PTPRD: variants seen among roughly 807,000 people sequenced by gnomAD.
PTPRD encodes the protein protein tyrosine phosphatase receptor type D, also known as receptor-type tyrosine-protein phosphatase delta.
Under a neutral mutation model 214.5 loss-of-function variants are expected in PTPRD, and 34 were observed. The ratio of observed to expected loss-of-function variants is 0.16; its 90% CI spans 0.12 to 0.21. The LOEUF (loss-of-function observed/expected upper bound fraction) is 0.21, where lower values mean the gene tolerates loss of function less well. Ranked by LOEUF, PTPRD falls within the 10% of genes least tolerant of loss-of-function variation. The pLI is 1.00. For missense variants in PTPRD, 2,545 were observed against 2,398.7 expected (o/e 1.06, Z -1.27); for synonymous variants, 1,128 against 845.7 (o/e 1.33, Z -5.79).
intron 5 of PTPRD, among the ~76,000 whole-genome samples, chr9:9,899,262 G>C (rs1001373405): frequency 8.6e-5 from 13 of 152,004 alleles, no homozygotes; most frequent in African/African-American, 1.4e-4. Flanking sequence ...AGTGTGAAGA[G>C]AGACTATGAA....
At position 9,990,174 on chromosome 9, in the gene PTPRD, G is replaced by T. The variant is rs879805491; in HGVS notation, c.-472+43544C>A. On this transcript the variant is annotated intron_variant, in intron 4 of 45. Transcript: ENST00000381196. ...CCCTTCACAGAGGTTTAGTCATTACGTGGGACCAGGACAAGGTCCTGGGGC... is the reference window on the plus strand; with the variant it reads ...CCCTTCACAGAGGTTTAGTCATTACTTGGGACCAGGACAAGGTCCTGGGGC... Among the ~76,000 whole-genome samples, 3 of 152,164 alleles carry T rather than the reference G, an allele frequency of 2.0e-5. No homozygotes were observed. In the South Asian group the frequency reaches 6.2e-4, roughly 31 times the overall value.
chr9:10,162,234 T>C (rs934113244), intron 3 of PTPRD, among the ~76,000 whole-genome samples: 1 of 151,334 alleles, frequency 6.6e-6, no homozygotes, highest in Non-Finnish European at 1.5e-5. Flanking sequence ...ATCAAAGAAA[T>C]ATGTACATTC....
At chr9:9,369,887 T>C (rs1365016329) in intron 9 of PTPRD, among the ~76,000 whole-genome samples, 2 of 152,200 alleles carry the variant, frequency 1.3e-5, no homozygotes, top group African/African-American at 4.8e-5. Context: ...CCATTGCTTG[T>C]TTTTGTCAGG....
chr9:8,508,891 CTGTGTGTGTGTGTGTG>C (rs59265464), intron 21 of PTPRD, among the ~76,000 whole-genome samples: 53 of 140,504 alleles, frequency 3.8e-4, no homozygotes, highest in Admixed American at 7.0e-4. Flanking sequence ...GTGTGTGTGT[CTGTGTGTGTGTGTGTG>C]TGTGTGTGTG....
At chr9:9,613,131 C>CATAT (rs1383091159) in intron 7 of PTPRD, among the ~76,000 whole-genome samples, 2,868 of 39,164 alleles carry the variant, frequency 0.073, 229 homozygotes, top group Non-Finnish European at 0.09. Context: ...AGTATACATA[C>CATAT]ATACATATAT....
At chr9:9,805,764 G>A (rs984484967) in intron 5 of PTPRD, among the ~76,000 whole-genome samples, 5 of 152,028 alleles carry the variant, frequency 3.3e-5, no homozygotes, top group African/African-American at 4.8e-5. Flanking sequence ...CCTTTCAAAC[G>A]TTTGTTTATC....
intron 5 of PTPRD, among the ~76,000 whole-genome samples, chr9:9,926,347 G>C (rs534375236): frequency 6.6e-6 from 1 of 152,052 alleles, no homozygotes; most frequent in Non-Finnish European, 1.5e-5. Flanking sequence ...GACAGAAAGG[G>C]ATCATCATCA....
In PTPRD at chr9:9,468,864, T is replaced by C. The variant is rs143912292; in HGVS notation, c.-236-71382A>G. On this transcript the variant is annotated intron_variant, in intron 8 of 45. Transcript: ENST00000381196. ...TTATTCTCAAGGCTTAGTGTGTCTA[T>C]TTAAACCTATGATTTTTAATCATTT... Among the ~76,000 whole-genome samples, 981 of 152,268 alleles carry C rather than the reference T, an allele frequency of 6.4e-3. 6 individuals are homozygous for C. The highest frequency in any genetic ancestry group is 0.023 in the African/African-American group (949 of 41,558).
Position 8,507,330 on chromosome 9 carries a change from C to T in PTPRD, c.1648G>A (p.Val550Ile), listed in dbSNP as rs1215957803. 2 of 1,613,976 alleles carry T rather than the reference C, an allele frequency of 1.2e-6. No homozygotes were observed. The highest frequency in any genetic ancestry group is 1.7e-6 in the Non-Finnish European group (2 of 1,179,864). The change falls in exon 22 of 46, where the codon GTC (valine) becomes ATC (isoleucine). Residue 550 changes from valine to isoleucine, a missense_variant. Physicochemically the swap from Val to Ile is conservative, Grantham distance 29. Transcript: ENST00000381196. ...TCTCCATGCTCCCCATCTTTGTAGA[C>T]CAGTTCATAGTTGGCAATGGTATCT... Reference protein sequence around the residue: ...RSDTIANYELVYKDGEHGEEQ... With the variant: ...RSDTIANYELIYKDGEHGEEQ...
chr9:9,991,683 A>G (rs1433814654), intron 4 of PTPRD, among the ~76,000 whole-genome samples: 2 of 152,138 alleles, frequency 1.3e-5, no homozygotes, highest in East Asian at 1.9e-4. Flanking sequence ...TACTTTTAAA[A>G]CAGTGCACAG....
chr9:9,266,801 C>T lies in PTPRD; in HGVS notation c.-202-83438G>A, dbSNP rs534110682. 1.1e-4 allele frequency among the ~76,000 whole-genome samples: 17 copies of T among 150,602 alleles called. No individual in the cohort carries two copies. In the South Asian group the frequency reaches 2.9e-3, roughly 26 times the overall value. ...ACATATAAAAACTCGTAAAATGTAGCCAAAGCAGTTCTAGGAGAAAAGCTT... is the reference window on the plus strand; with the variant it reads ...ACATATAAAAACTCGTAAAATGTAGTCAAAGCAGTTCTAGGAGAAAAGCTT... On this transcript the variant is annotated intron_variant, in intron 9 of 45. Coordinates refer to ENST00000381196, the MANE Select transcript of PTPRD (RefSeq NM_002839.4).
intron 3 of PTPRD, among the ~76,000 whole-genome samples, chr9:10,239,105 G>T (rs116924257): frequency 6.6e-5 from 10 of 152,002 alleles, no homozygotes; most frequent in Non-Finnish European, 1.5e-4. Flanking sequence ...AAAGGATTCT[G>T]ATACATTTTA....
intron 4 of PTPRD, among the ~76,000 whole-genome samples, chr9:9,964,279 G>A (rs2094545427): frequency 6.6e-6 from 1 of 152,212 alleles, no homozygotes; most frequent in Non-Finnish European, 1.5e-5. Context: ...GGACAAGAAA[G>A]AATGTAATAG....
intron 9 of PTPRD, among the ~76,000 whole-genome samples, chr9:9,336,134 T>C (rs143940492): frequency 1.1e-3 from 162 of 150,616 alleles, no homozygotes; most frequent in Non-Finnish European, 1.9e-3. Flanking sequence ...TGCAAAGATA[T>C]AAGCTTTGTA....
chr9:10,487,710 A>T (rs2757851), intron 2 of PTPRD, among the ~76,000 whole-genome samples: 14 of 149,768 alleles, frequency 9.3e-5, no homozygotes, highest in East Asian at 2.1e-4. Flanking sequence ...TGGGGGGTGG[A>T]GGGTGAGGGG....
At chr9:8,756,879 G>C (rs894810478) in intron 11 of PTPRD, among the ~76,000 whole-genome samples, 1 of 152,130 alleles carries the variant, frequency 6.6e-6, no homozygotes, top group East Asian at 1.9e-4. Flanking sequence ...TGTGGCTCAA[G>C]CATGTAATCC....
At chr9:8,331,491 T>TTCAAATAAGCAAA in intron 44 of PTPRD, 91 bp downstream of exon 44, 1 of 1,452,342 alleles carries the variant, frequency 6.9e-7, no homozygotes, top group South Asian at 1.3e-5. Flanking sequence ...AGAATAAAAT[T>TTCAAATAAGCAAA]TCAAATAAGC....
rs187714376 is a variant in PTPRD, at chr9:9,187,348, A to C, written c.-202-3985T>G. 8.9e-3 allele frequency among the ~76,000 whole-genome samples: 1,354 copies of C among 152,152 alleles called. 11 individuals carry two copies. The highest frequency in any genetic ancestry group is 0.014 in the Non-Finnish European group (945 of 67,966). On this transcript the variant is annotated intron_variant, in intron 9 of 45. Coordinates refer to ENST00000381196, the MANE Select transcript of PTPRD (RefSeq NM_002839.4). ...TCATTGTACTCAGATTTTCAGATTC[A>C]AGTATAAGGATAGTCCTTTGCATTA...
At chr9:9,248,097 T>C (rs746624202) in intron 9 of PTPRD, among the ~76,000 whole-genome samples, 6 of 149,382 alleles carry the variant, frequency 4.0e-5, no homozygotes, top group Admixed American at 6.6e-5. Flanking sequence ...TCTATTATTA[T>C]TTTTTTTTAA....
Sources: gnomAD v4.1 joint callset for allele counts (sites outside exome capture counted in the v4.1 genomes callset) on GRCh38, gnomAD v4.1.1 for gene constraint, MANE v1.5 for transcripts, NCBI Gene and HGNC (gene_info 2026-07-23, HGNC 2026-07-21) for gene names.